The following GNB5 variants were observed in gnomAD, a reference collection of about 807,000 sequenced individuals.
The protein encoded by GNB5 is G protein subunit beta 5.
In GNB5, 37 loss-of-function variants were observed where a neutral mutation model predicts 55.3. The ratio of observed to expected loss-of-function variants is 0.67; its 90% CI spans 0.51 to 0.88. GNB5 has a LOEUF of 0.88. Ranked by LOEUF, GNB5 falls within the 40% of genes least tolerant of loss-of-function variation. GNB5 has a pLI of 0.00. For missense variants in GNB5, 476 were observed against 515.3 expected, an observed-to-expected ratio of 0.92 and a Z score of 0.74; for synonymous variants, 219 against 198.5, an observed-to-expected ratio of 1.10 and a Z score of -0.87.
chr15:52,182,874 G>A (rs140333496), intron 2 of GNB5, among the ~76,000 whole-genome samples: 31 of 152,272 alleles, frequency 2.0e-4, no homozygotes, highest in South Asian at 6.2e-4. Context: ...TGTGTGGGCC[G>A]GGCGCAGTGG....
At position 52,121,091 on chromosome 15, in the gene GNB5, T is replaced by C. The variant is rs1294770681; in HGVS notation, c.*1666A>G. The C allele has an allele frequency of 6.6e-6, 1 of 152,220 alleles. No homozygotes were observed. The highest frequency in any genetic ancestry group is 1.9e-4 in the East Asian group (1 of 5,196). The allele number at this position is 152,220 out of a possible 1,614,324, so 9.4% of individuals were successfully genotyped here. A position where few individuals can be genotyped will look rare whatever the true frequency, so the allele number is the denominator to read the frequency against. On this transcript the variant is annotated 3_prime_UTR_variant, in exon 13 of 13. Coordinates refer to ENST00000261837, the MANE Select transcript of GNB5 (RefSeq NM_016194.4). The stretch of plus-strand genomic sequence containing the variant: ...TACAGGAGCATCTGGTCCAGTCCTG[T>C]CTTATGGCTGTGCCCAGCTCCAGCT...
At position 52,124,569 on chromosome 15, in the gene GNB5, G is replaced by GTGCTA. The variant is rs2033370609; in HGVS notation, c.1079_1080insTAGCA (p.Ile362ThrfsTer61). ...GGTTTTCATGTCCAAACAGGATGGA[G>GTGCTA]ACCCGGGACCCTTTGAGAACATCCC... On this transcript the variant is annotated frameshift_variant, in exon 12 of 13. Coordinates refer to ENST00000261837, the MANE Select transcript of GNB5 (RefSeq NM_016194.4). LOFTEE classifies it high-confidence loss of function. 1.9e-6 allele frequency: 3 copies of GTGCTA among 1,613,534 alleles called. No homozygotes were observed. The highest frequency in any genetic ancestry group is 2.5e-6 in the Non-Finnish European group (3 of 1,179,402).
In GNB5 at chr15:52,124,653, G is replaced by A. The variant is rs536359911; in HGVS notation, c.1010-14C>T. The A allele has an allele frequency of 2.5e-6, 4 of 1,610,946 alleles. No individual in the cohort carries two copies. The African/African-American group carries it at 5.3e-5, about 21-fold the overall frequency. ...ACAGCAGGCGACCTTGAAGCAGGGT[G>A]AGATGATAGCTGTTAAGCCAGTTCC... On this transcript the variant is annotated splice_polypyrimidine_tract_variant and intron_variant, in intron 11 of 12. Coordinates refer to ENST00000261837, the MANE Select transcript of GNB5 (RefSeq NM_016194.4).
chr15:52,158,401 A>G (rs1172715825), intron 3 of GNB5, among the ~76,000 whole-genome samples: 1 of 152,240 alleles, frequency 6.6e-6, no homozygotes. Flanking sequence ...CTGAAGGAAT[A>G]AATGAAATGC....
intron 2 of GNB5, 45 bp downstream of exon 2, chr15:52,184,506 A>G: frequency 1.3e-6 from 2 of 1,566,146 alleles, no homozygotes; most frequent in South Asian, 1.1e-5. Context: ...CCCTCGCTTG[A>G]CTGTTTTAAG....
intron 5 of GNB5, among the ~76,000 whole-genome samples, chr15:52,148,761 T>C (rs1233122949): frequency 6.6e-6 from 1 of 152,226 alleles, no homozygotes; most frequent in African/African-American, 2.4e-5. Flanking sequence ...CTATTGTCGA[T>C]AGCAGCCTGG....
At chr15:52,163,416 C>A (rs1236370008) in intron 3 of GNB5, among the ~76,000 whole-genome samples, 1 of 152,222 alleles carries the variant, frequency 6.6e-6, no homozygotes. Context: ...ACCTCACAAG[C>A]TAAGACTCAC....
chr15:52,127,653 T>A (rs572387470), intron 10 of GNB5, among the ~76,000 whole-genome samples: 9 of 152,300 alleles, frequency 5.9e-5, no homozygotes, highest in African/African-American at 2.2e-4. Context: ...ATATTTGATA[T>A]TTTGAAGGCA....
chr15:52,160,276 A>C (rs2034303386), intron 3 of GNB5, among the ~76,000 whole-genome samples: 1 of 152,350 alleles, frequency 6.6e-6, no homozygotes, highest in South Asian at 2.1e-4. Context: ...TGTCTACTTT[A>C]GTCGCTGTTT....
At chr15:52,133,239 C>T (rs2033623342) in intron 9 of GNB5, 139 bp downstream of exon 9, 2 of 611,930 alleles carry the variant, frequency 3.3e-6, no homozygotes, top group Non-Finnish European at 5.9e-6. Flanking sequence ...TTCAGTTCCA[C>T]CACAATCAGC....
chr15:52,146,344 G>A (rs1257308316), intron 6 of GNB5, among the ~76,000 whole-genome samples: 1 of 152,128 alleles, frequency 6.6e-6, no homozygotes, highest in Non-Finnish European at 1.5e-5. Context: ...ACAGGGACTG[G>A]GAATTATGTC....
intron 6 of GNB5, among the ~76,000 whole-genome samples, 176 bp from the exon 7 acceptor site, chr15:52,141,448 A>G (rs1460027658): frequency 6.6e-6 from 1 of 150,408 alleles, no homozygotes; most frequent in Non-Finnish European, 1.5e-5. Flanking sequence ...TTTTTTTTTA[A>G]ATAGAGACAG....
At chr15:52,136,341 C>T (rs1322402586) in intron 7 of GNB5, among the ~76,000 whole-genome samples, 3 of 152,184 alleles carry the variant, frequency 2.0e-5, no homozygotes, top group African/African-American at 7.2e-5. Context: ...TCTACACATG[C>T]CTGGCTCGTA....
chr15:52,142,466 GTTTT>G (rs533982917), intron 6 of GNB5, among the ~76,000 whole-genome samples: 1 of 148,360 alleles, frequency 6.7e-6, no homozygotes, highest in South Asian at 2.2e-4. Flanking sequence ...CCATAAATTT[GTTTT>G]TTTTTCTTAA....
chr15:52,128,390 G>A (rs1051682818), intron 9 of GNB5, 146 bp from the exon 10 acceptor site: 4 of 648,592 alleles, frequency 6.2e-6, no homozygotes, highest in Non-Finnish European at 8.3e-6. Flanking sequence ...AAGCTCCTAT[G>A]TCAGGCCCAC....
At chr15:52,184,406 C>T (rs1246917909) in intron 2 of GNB5, 145 bp downstream of exon 2, 1 of 648,978 alleles carries the variant, frequency 1.5e-6, no homozygotes, top group East Asian at 2.7e-5. Flanking sequence ...ACACCCTGAA[C>T]CTCTGTACTA....
intron 2 of GNB5, chr15:52,180,839 AATGGGC>A (rs1302075102): frequency 1.3e-5 from 2 of 152,282 alleles, no homozygotes; most frequent in African/African-American, 4.8e-5. Flanking sequence ...AGTCAACTTG[AATGGGC>A]ACACTTATTC....
rs117254064 is a variant in GNB5 at position 52,144,837 on chromosome 15, C to T, written c.494+2622G>A. On this transcript the variant is annotated intron_variant, in intron 6 of 12. Coordinates refer to ENST00000261837, the MANE Select transcript of GNB5 (RefSeq NM_016194.4). ...ATACTCTGCATGTATTACCATACAC[C>T]GTGGCCAAGAGGAAACAACGCCGTC... Among the ~76,000 whole-genome samples the T allele has an allele frequency of 5.4e-4, 82 of 152,220 alleles. 1 individual carries two copies. The East Asian group carries it at 0.011, about 21-fold the overall frequency.
intron 7 of GNB5, chr15:52,139,916 C>T (rs1469962886): frequency 7.8e-7 from 1 of 1,286,512 alleles, no homozygotes; most frequent in Admixed American, 2.3e-5. Context: ...TCGTGGTAGC[C>T]CCCTGAGCCT....
Sources: allele counts gnomAD v4.1 joint callset (sites outside exome capture counted in the v4.1 genomes callset), GRCh38; gene constraint gnomAD v4.1.1; transcripts MANE v1.5; gene names NCBI Gene and HGNC (gene_info 2026-07-23, HGNC 2026-07-21).